ITPR1: variants seen among roughly 807,000 people sequenced by gnomAD.
ITPR1 encodes the protein inositol 1,4,5-trisphosphate-gated calcium channel ITPR1.
Under a neutral mutation model 318.4 loss-of-function variants are expected in ITPR1, and 96 were observed. The ratio of observed to expected loss-of-function variants is 0.30; its 90% confidence interval spans 0.26 to 0.36. The LOEUF (loss-of-function observed/expected upper bound fraction) is 0.36. Ranked by LOEUF, ITPR1 falls within the 10% of genes least tolerant of loss-of-function variation. The pLI, the probability that ITPR1 is intolerant of heterozygous loss-of-function variation, is 1.00. For synonymous variants in ITPR1, 1,312 were observed against 1,289.9 expected (o/e 1.02, Z -0.37); for missense variants, 2,440 against 3,460.2 (o/e 0.71, Z 7.40).
At chr3:4,800,720 CT>C in intron 54 of ITPR1, 120 bp downstream of exon 54, 1 of 1,040,280 alleles carries the variant, frequency 9.6e-7, no homozygotes, top group Non-Finnish European at 1.4e-6. Flanking sequence ...TTTGGGGCAA[CT>C]GTTTAAATAG....
chr3:4,510,316 G>C (rs2081711821), intron 2 of ITPR1, among the ~76,000 whole-genome samples: 1 of 152,182 alleles, frequency 6.6e-6, no homozygotes. Flanking sequence ...ATGTTGGAAG[G>C]TTTTAAGCAG....
intron 2 of ITPR1, among the ~76,000 whole-genome samples, chr3:4,504,963 C>CTTT (rs34078002): frequency 2.1e-5 from 3 of 145,862 alleles, no homozygotes; most frequent in Admixed American, 6.9e-5. Flanking sequence ...GGGCATACTC[C>CTTT]TTTTTTTTTT....
intron 44 of ITPR1, among the ~76,000 whole-genome samples, chr3:4,737,092 A>G (rs938937576): frequency 2.0e-5 from 3 of 152,098 alleles, no homozygotes; most frequent in African/African-American, 4.8e-5. Flanking sequence ...GGTGTTGATT[A>G]TGGATGATAG....
At chr3:4,711,677 G>C in intron 38 of ITPR1, 80 bp from the exon 39 acceptor site, 1 of 785,640 alleles carries the variant, frequency 1.3e-6, no homozygotes, top group Admixed American at 2.1e-5. Flanking sequence ...TAACGGACTA[G>C]TTAAAATAAA....
chr3:4,658,435 T>A (rs1406737020), intron 13 of ITPR1, among the ~76,000 whole-genome samples, 157 bp downstream of exon 13: 1 of 151,974 alleles, frequency 6.6e-6, no homozygotes, highest in Non-Finnish European at 1.5e-5. Context: ...GGCAACTGAT[T>A]TTTTTAATGG....
intron 4 of ITPR1, among the ~76,000 whole-genome samples, chr3:4,545,622 C>CAAA (rs56829358): frequency 4.4e-5 from 3 of 68,724 alleles, no homozygotes; most frequent in African/African-American, 1.5e-4. Flanking sequence ...GACCCGGTCT[C>CAAA]AAAAAAAAAA....
rs181751013 is a variant in ITPR1 at position 4,519,933 on chromosome 3, G to A, written c.93-1091G>A. On this transcript the variant is annotated intron_variant, in intron 3 of 61. Coordinates refer to ENST00000649015, the MANE Select transcript of ITPR1 (RefSeq NM_001378452.1). ...TGTCTGGCGCAGGAGAAGCTTGGTCGGGGGGGCTTTGTGGAGAAGGTGGGG... is the reference window on the plus strand; with the variant it reads ...TGTCTGGCGCAGGAGAAGCTTGGTCAGGGGGGCTTTGTGGAGAAGGTGGGG... Among the ~76,000 whole-genome samples, 9 of 152,202 alleles carry A rather than the reference G, an allele frequency of 5.9e-5. No individual in the cohort carries two copies. In the East Asian group the frequency reaches 1.4e-3, roughly 23 times the overall value.
Position 4,710,594 on chromosome 3 carries a change from T to G in ITPR1, c.4991+121T>G. On this transcript the variant is annotated intron_variant, in intron 38 of 61. Transcript: ENST00000649015. This position sits in a 1 kb window ranked among gnomAD's most constrained non-coding sequence, Gnocchi z 4.2. The stretch of plus-strand genomic sequence containing the variant: ...TAACTTTGATGAATGCAAGGTCATG[T>G]GCTAAAGTCCTGTTCTGACCTCCCC... 1.0e-6 allele frequency: 1 copy of G among 985,124 alleles called. No homozygotes were observed. Among genetic ancestry groups the G allele is most frequent in the South Asian group, 1.7e-5 (1 of 57,168 alleles). The allele number at this position is 985,124 out of a possible 1,614,324, so 61.0% of individuals were successfully genotyped here.
chr3:4,697,557 T>G (rs2125256580), intron 34 of ITPR1, among the ~76,000 whole-genome samples: 1 of 149,880 alleles, frequency 6.7e-6, no homozygotes, highest in African/African-American at 2.5e-5. Context: ...GCTCAAGCAA[T>G]TATCCTGCCT....
intron 40 of ITPR1, among the ~76,000 whole-genome samples, chr3:4,720,503 T>C (rs2042073243): frequency 6.6e-6 from 1 of 152,180 alleles, no homozygotes; most frequent in African/African-American, 2.4e-5. Context: ...TTTTCATAGA[T>C]GTGTCTGTAG....
intron 31 of ITPR1, 50 bp downstream of exon 31, chr3:4,688,670 AG>A: frequency 6.4e-7 from 1 of 1,574,370 alleles, no homozygotes; most frequent in South Asian, 1.1e-5. Flanking sequence ...AGGGCAGGGA[AG>A]AGGGAGGAGG....
At chr3:4,589,445 A>G (rs2090198547) in intron 4 of ITPR1, among the ~76,000 whole-genome samples, 2 of 152,184 alleles carry the variant, frequency 1.3e-5, no homozygotes, top group South Asian at 4.1e-4. Context: ...GGAGCTTTTT[A>G]GAAATGCAAA....
Position 4,685,070 on chromosome 3 carries a change from T to C in ITPR1, c.3566T>C (p.Ile1189Thr). The C allele has an allele frequency of 6.2e-7, 1 of 1,608,592 alleles. No homozygotes were observed. Among genetic ancestry groups the C allele is most frequent in the Non-Finnish European group, 8.5e-7 (1 of 1,177,352 alleles). Residue 1189 changes from isoleucine to threonine, a missense_variant and splice_region_variant, in exon 30 of 62, where the codon ATT (isoleucine) becomes ACT (threonine). Coordinates refer to ENST00000649015, the MANE Select transcript of ITPR1 (RefSeq NM_001378452.1). ...SSYNYRVVKE[I>T]LIRLSKLCVQ... is the part of the protein sequence containing the mutation. ...GACTGATTTCTTTCATTCTACTAGA[T>C]TTTGATTCGGCTTAGCAAACTCTGT...
chr3:4,607,599 A>G (rs2091791293), intron 4 of ITPR1, among the ~76,000 whole-genome samples: 1 of 152,114 alleles, frequency 6.6e-6, no homozygotes, highest in Non-Finnish European at 1.5e-5. Context: ...TCAGCCTCCC[A>G]GAGAATTTGG....
intron 4 of ITPR1, among the ~76,000 whole-genome samples, chr3:4,615,945 T>A (rs1340923220): frequency 6.6e-6 from 1 of 152,106 alleles, no homozygotes; most frequent in Non-Finnish European, 1.5e-5. Context: ...GGGGAAAAAA[T>A]TAGCTCATCT....
chr3:4,669,360 C>G (rs920741850), intron 18 of ITPR1, among the ~76,000 whole-genome samples: 78 of 152,342 alleles, frequency 5.1e-4, no homozygotes, highest in African/African-American at 1.8e-3. Context: ...CCCTGTGTCT[C>G]CACCACACCT....
At chr3:4,610,677 C>T (rs970311977) in intron 4 of ITPR1, among the ~76,000 whole-genome samples, 2 of 152,076 alleles carry the variant, frequency 1.3e-5, no homozygotes, top group South Asian at 4.1e-4. Context: ...GGGTTTAACC[C>T]GAAGTCCATG....
chr3:4,737,440 A>G (rs2043357558), intron 44 of ITPR1, among the ~76,000 whole-genome samples: 1 of 152,182 alleles, frequency 6.6e-6, no homozygotes, highest in South Asian at 2.1e-4. Flanking sequence ...CCTGGGGCAT[A>G]AGGAATCTTT....
Position 4,768,310 on chromosome 3 carries a change from C to T in ITPR1, c.5726-201C>T, listed in dbSNP as rs901625425. ...TGTACACGTAGGTGAAATGGTAGAT[C>T]CACAAGTAAGGTGGCAGGGCCTGGC... On this transcript the variant is annotated intron_variant, in intron 45 of 61. Coordinates refer to ENST00000649015, the MANE Select transcript of ITPR1 (RefSeq NM_001378452.1). 3.8e-5 allele frequency: 21 copies of T among 549,884 alleles called. No individual in the cohort carries two copies. The Middle Eastern group carries it at 1.4e-3, about 37-fold the overall frequency. The allele number at this position is 549,884 out of a possible 1,614,324, so 34.1% of individuals were successfully genotyped here.
Sources: gnomAD v4.1 joint callset for allele counts (sites outside exome capture counted in the v4.1 genomes callset) on GRCh38, gnomAD v4.1.1 for gene constraint, Gnocchi (gnomAD v3.1) non-coding constraint, MANE v1.5 for transcripts, NCBI Gene and HGNC (gene_info 2026-07-23, HGNC 2026-07-21) for gene names.